NR5A2: variants seen among roughly 807,000 people sequenced by gnomAD.
NR5A2 encodes the protein CYP7A promoter-binding factor.
In NR5A2, 26 loss-of-function variants were observed where a neutral mutation model predicts 62.7. The observed-to-expected ratio is 0.41, with a 90% CI of 0.30 to 0.58. NR5A2 has a LOEUF of 0.58. Among genes scored for constraint, NR5A2 ranks in the 20% least tolerant of loss-of-function variants. The probability of loss-of-function intolerance (pLI) is 0.22; values close to 1 mark genes in which losing one functional copy is unlikely to be tolerated. For missense variants in NR5A2, 541 were observed against 669.1 expected (o/e 0.81, Z 2.11); for synonymous variants, 246 against 241.7 (o/e 1.02, Z -0.16).
chr1:200,116,877 G>T (rs191489211), intron 6 of NR5A2, among the ~76,000 whole-genome samples: 1 of 152,080 alleles, frequency 6.6e-6, no homozygotes, highest in African/African-American at 2.4e-5. Context: ...GTGGGGTCAG[G>T]TTTTAGTATT....
chr1:200,079,247 C>T (rs561512247), intron 5 of NR5A2, among the ~76,000 whole-genome samples: 5 of 152,258 alleles, frequency 3.3e-5, no homozygotes, highest in East Asian at 3.9e-4. Flanking sequence ...TGATCTCTGG[C>T]GATATTTTTC....
At chr1:200,146,420 C>T (rs902052521) in intron 7 of NR5A2, among the ~76,000 whole-genome samples, 2 of 152,200 alleles carry the variant, frequency 1.3e-5, no homozygotes, top group Middle Eastern at 3.4e-3. Flanking sequence ...ACAGGATAGT[C>T]GGTTTTTTAA....
intron 7 of NR5A2, among the ~76,000 whole-genome samples, chr1:200,157,667 T>A (rs1049749499): frequency 6.6e-6 from 1 of 152,248 alleles, no homozygotes; most frequent in African/African-American, 2.4e-5. Context: ...CCTGAGCAAT[T>A]GAATGAATTA....
chr1:200,056,693 G>A (rs920354925), intron 5 of NR5A2, among the ~76,000 whole-genome samples: 2 of 152,152 alleles, frequency 1.3e-5, no homozygotes, highest in African/African-American at 2.4e-5. Context: ...TCCATGGGGC[G>A]CTGGGATATT....
Position 200,174,105 on chromosome 1 carries a change from G to A in NR5A2, c.1521G>A (p.Arg507=). The change falls in exon 8 of 8, where the codon CGG becomes CGA. Residue 507 remains arginine (R), a synonymous_variant. Transcript: ENST00000367362. ...GQLLLRLPEI[R]AISMQAEEYL... Reference sequence around the variant, plus strand: ...TACTTCTTCGACTACCCGAAATCCGGGCCATCAGTATGCAGGCTGAAGAAT... The same window carrying A: ...TACTTCTTCGACTACCCGAAATCCGAGCCATCAGTATGCAGGCTGAAGAAT... 1.2e-6 allele frequency: 2 copies of A among 1,613,738 alleles called. No individual in the cohort carries two copies. Among genetic ancestry groups the A allele is most frequent in the Non-Finnish European group, 1.7e-6 (2 of 1,179,958 alleles).
At chr1:200,050,143 C>T (rs554350213) in intron 5 of NR5A2, among the ~76,000 whole-genome samples, 18 of 152,138 alleles carry the variant, frequency 1.2e-4, no homozygotes, top group South Asian at 4.2e-4. Flanking sequence ...AGATATTTTC[C>T]GAGTATGTGT....
chr1:200,151,058 G>A (rs1653077713), intron 7 of NR5A2, among the ~76,000 whole-genome samples: 2 of 152,162 alleles, frequency 1.3e-5, no homozygotes, highest in South Asian at 4.1e-4. Context: ...CTTTCTTGGA[G>A]TGTAAGGCAT....
chr1:200,141,422 CA>C (rs1667439975), intron 7 of NR5A2, among the ~76,000 whole-genome samples: 1 of 152,130 alleles, frequency 6.6e-6, no homozygotes, highest in Non-Finnish European at 1.5e-5. Flanking sequence ...AAGATTCATC[CA>C]TAAGTGTATC....
rs932296905 is a variant in NR5A2 at position 200,174,368 on chromosome 1, T to G, written c.*158T>G. 3.8e-5 allele frequency: 26 copies of G among 681,540 alleles called. No homozygotes were observed. Among genetic ancestry groups the G allele is most frequent in the Admixed American group, 3.8e-5 (1 of 26,352 alleles). The allele number at this position is 681,540 out of a possible 1,614,324, so 42.2% of individuals were successfully genotyped here. On this transcript the variant is annotated 3_prime_UTR_variant, in exon 8 of 8. Coordinates refer to ENST00000367362, the MANE Select transcript of NR5A2 (RefSeq NM_205860.3). ...TATTGAATTTAAAAAGGCATAATAA[T>G]CAAATACTTAATAGCAAATAAATGA...
chr1:200,115,331 C>CAGAG, intron 6 of NR5A2, among the ~76,000 whole-genome samples: 1 of 152,080 alleles, frequency 6.6e-6, no homozygotes, highest in Admixed American at 6.5e-5. Flanking sequence ...TCGCCTGCCC[C>CAGAG]AGAGACATAT....
chr1:200,054,152 C>T (rs1662800415), intron 5 of NR5A2: 3 of 152,190 alleles, frequency 2.0e-5, no homozygotes, highest in Admixed American at 2.0e-4. Context: ...ATTCATGAAA[C>T]TGTCCATAAA....
At position 200,147,529 on chromosome 1, in the gene NR5A2, T is replaced by C. The variant is rs1434507846; in HGVS notation, c.1379-26434T>C. The C allele has an allele frequency of 4.5e-6, 3 of 670,062 alleles. No homozygotes were observed. The highest frequency in any genetic ancestry group is 8.5e-6 in the Non-Finnish European group (3 of 351,464). 41.5% of individuals were successfully genotyped at this position (670,062 alleles called of 1,614,324 possible). On this transcript the variant is annotated intron_variant, in intron 7 of 7. Transcript: ENST00000367362. The surrounding 1 kb of genome is among the most constrained non-coding windows in gnomAD (Gnocchi z 4.9). Reference sequence around the variant, plus strand: ...TTAAAATTTCTGCTGCTTTTGCTGTTTCTGTGATTTCCTTGGTTTCTCCAT... The same window carrying C: ...TTAAAATTTCTGCTGCTTTTGCTGTCTCTGTGATTTCCTTGGTTTCTCCAT...
intron 6 of NR5A2, among the ~76,000 whole-genome samples, chr1:200,116,942 A>G (rs978503954): frequency 6.6e-6 from 1 of 152,218 alleles, no homozygotes; most frequent in African/African-American, 2.4e-5. Flanking sequence ...GGAAAGGTCT[A>G]CTGGCAACTT....
intron 6 of NR5A2, among the ~76,000 whole-genome samples, chr1:200,116,005 C>T (rs1666200426): frequency 6.6e-6 from 1 of 151,858 alleles, no homozygotes; most frequent in Non-Finnish European, 1.5e-5. Flanking sequence ...TTATAGATTT[C>T]CAGGTTTACT....
chr1:200,087,543 C>T (rs1664610364), intron 5 of NR5A2, among the ~76,000 whole-genome samples: 1 of 151,456 alleles, frequency 6.6e-6, no homozygotes, highest in South Asian at 2.1e-4. Context: ...TACAGGCACG[C>T]ACCACCACAC....
intron 7 of NR5A2, among the ~76,000 whole-genome samples, chr1:200,137,089 C>T (rs1667254791): frequency 6.6e-6 from 1 of 152,114 alleles, no homozygotes; most frequent in Non-Finnish European, 1.5e-5. Context: ...CCAGCCTCAG[C>T]CACCCAAAGT....
At position 200,048,214 on chromosome 1, in the gene NR5A2, G is replaced by C; in HGVS notation, c.506G>C (p.Gly169Ala). Residue 169 changes from glycine to alanine, a missense_variant, in exon 5 of 8, where the codon GGG (glycine) becomes GCG (alanine). Physicochemically the swap from Gly to Ala is moderately conservative, Grantham distance 60 (BLOSUM62 0). This residue lies in a region of NR5A2 where 54 missense variants were observed against 123.8 expected (regional missense o/e 0.44). Transcript: ENST00000367362. The surrounding 1 kb of genome is among the most constrained non-coding windows in gnomAD (Gnocchi z 4.8). ...ATGCGTGGAGGAAGGAATAAGTTTG[G>C]GCCAATGTACAAGAGAGACAGGGCC... ...DRMRGGRNKFGPMYKRDRALK... is the reference protein window; with the variant it reads ...DRMRGGRNKFAPMYKRDRALK... 2 of 1,613,724 alleles carry C rather than the reference G, an allele frequency of 1.2e-6. No individual in the cohort carries two copies. Among genetic ancestry groups the C allele is most frequent in the Non-Finnish European group, 1.7e-6 (2 of 1,179,864 alleles).
At chr1:200,050,396 GGTT>G (rs1662573024) in intron 5 of NR5A2, among the ~76,000 whole-genome samples, 1 of 152,186 alleles carries the variant, frequency 6.6e-6, no homozygotes, top group Admixed American at 6.5e-5. Flanking sequence ...TTCATAGGCA[GGTT>G]GTTAGATTCT....
At chr1:200,116,177 G>A (rs1335448822) in intron 6 of NR5A2, among the ~76,000 whole-genome samples, 2 of 152,130 alleles carry the variant, frequency 1.3e-5, no homozygotes, top group Non-Finnish European at 2.9e-5. Context: ...ACCAGACAGT[G>A]ATTTTGTTTC....
Sources: allele counts gnomAD v4.1 joint callset (sites outside exome capture counted in the v4.1 genomes callset), GRCh38; gene constraint gnomAD v4.1.1; regional missense constraint gnomAD v4.1.1; non-coding constraint Gnocchi (gnomAD v3.1); transcripts MANE v1.5; gene names NCBI Gene and HGNC (gene_info 2026-07-23, HGNC 2026-07-21).